The following ABCA1 variants were observed in gnomAD, a reference collection of about 807,000 sequenced individuals.
ABCA1 encodes the protein phospholipid-transporting ATPase ABCA1.
In ABCA1, 133 loss-of-function variants were observed where a neutral mutation model predicts 262.5. The ratio of observed to expected loss-of-function variants is 0.51; its 90% CI spans 0.44 to 0.59. ABCA1 has a LOEUF of 0.59. ABCA1 is among the 20% of genes least tolerant of loss of function. The pLI, the probability that ABCA1 is intolerant of heterozygous loss-of-function variation, is 0.00. For synonymous variants in ABCA1, 1,022 were observed against 1,043.5 expected, an observed-to-expected ratio of 0.98 and a Z score of 0.40; for missense variants, 2,452 against 2,777.5, an observed-to-expected ratio of 0.88 and a Z score of 2.63.
chr9:104,837,034 G>A lies in ABCA1; in HGVS notation c.1257C>T (p.Leu419=), dbSNP rs1833877758. ...FHDLEGMWEE[L]SPKIWTFMEN... is the part of the protein sequence containing the mutation. ...CCATGAAGGTCCAGATCTTGGGGCTGAGTTCCTCCCACATGCCTTCCAGAT... is the reference window on the plus strand; with the variant it reads ...CCATGAAGGTCCAGATCTTGGGGCTAAGTTCCTCCCACATGCCTTCCAGAT... Residue 419 remains leucine, a synonymous_variant, in exon 11 of 50, where the codon CTC becomes CTT. Coordinates refer to ENST00000374736, the MANE Select transcript of ABCA1 (RefSeq NM_005502.4). 6 of 1,614,018 alleles carry A rather than the reference G, an allele frequency of 3.7e-6. No individual in the cohort carries two copies. The highest frequency in any genetic ancestry group is 3.3e-5 in the South Asian group (3 of 91,084).
intron 7 of ABCA1, among the ~76,000 whole-genome samples, chr9:104,852,652 G>T (rs1481858813): frequency 6.6e-6 from 1 of 152,080 alleles, no homozygotes; most frequent in Non-Finnish European, 1.5e-5. Flanking sequence ...TTTCCCATAA[G>T]AATGAGGTGA....
At chr9:104,837,646 G>A in intron 9 of ABCA1, 79 bp from the exon 10 acceptor site, 1 of 1,563,208 alleles carries the variant, frequency 6.4e-7, no homozygotes, top group Non-Finnish European at 8.7e-7. Flanking sequence ...TGGAGCCAGA[G>A]AGTTCTTAGT....
intron 3 of ABCA1, among the ~76,000 whole-genome samples, chr9:104,885,027 G>C (rs530149310): frequency 6.6e-6 from 1 of 152,308 alleles, no homozygotes; most frequent in African/African-American, 2.4e-5. Context: ...CCTGAGGTCA[G>C]GAGTTCAAGA....
chr9:104,793,375 A>G, intron 40 of ABCA1, 75 bp from the exon 41 acceptor site: 2 of 1,598,554 alleles, frequency 1.3e-6, no homozygotes, highest in Admixed American at 3.4e-5. Flanking sequence ...ATTTGGGCCT[A>G]TGTTCCTTAA....
intron 5 of ABCA1, among the ~76,000 whole-genome samples, chr9:104,862,693 C>CAGGG (rs1836704683): frequency 1.9e-4 from 2 of 10,760 alleles, no homozygotes; most frequent in African/African-American, 8.8e-4. Flanking sequence ...CCGGGCCGGG[C>CAGGG]CGGGCCGGCC....
chr9:104,867,350 G>A (rs948212906), intron 5 of ABCA1, among the ~76,000 whole-genome samples: 5 of 152,178 alleles, frequency 3.3e-5, no homozygotes, highest in Admixed American at 2.0e-4. Flanking sequence ...GTATAATGCC[G>A]GGCACTGAGT....
chr9:104,812,522 C>T, intron 28 of ABCA1, 52 bp downstream of exon 28: 6 of 1,612,084 alleles, frequency 3.7e-6, no homozygotes, highest in Non-Finnish European at 5.1e-6. Context: ...GGTCACAGAG[C>T]CTGCAGCCCA....
rs780611537 is a variant in ABCA1 at position 104,826,984 on chromosome 9, C to A, written c.2301G>T (p.Trp767Cys). The A allele has an allele frequency of 2.9e-5, 47 of 1,614,032 alleles. No individual in the cohort carries two copies. In the Admixed American group the frequency reaches 7.3e-4, roughly 25 times the overall value. Residue 767 changes from tryptophan to cysteine, a missense_variant, in exon 16 of 50, where the codon TGG becomes TGT. Coordinates refer to ENST00000374736, the MANE Select transcript of ABCA1 (RefSeq NM_005502.4). ...LYLPYVLCVA[W>C]QDYVGFTLKI... ...TGAGTGTGAAGCCCACGTAGTCCTG[C>A]CATGCCACACACAGGACGTAGGGCA...
Position 104,883,032 on chromosome 9 carries a change from T to C in ABCA1, c.421+7A>G. On this transcript the variant is annotated splice_region_variant and intron_variant, in intron 5 of 49. Coordinates refer to ENST00000374736, the MANE Select transcript of ABCA1 (RefSeq NM_005502.4). ...TATAAACGGATGCAGAGAAGGTTTT[T>C]ACTTACTTGAGCTGGATTTCTTGAT... The C allele has an allele frequency of 1.2e-6, 2 of 1,608,620 alleles. No homozygotes were observed. The highest frequency in any genetic ancestry group is 1.7e-6 in the Non-Finnish European group (2 of 1,174,936).
intron 2 of ABCA1, among the ~76,000 whole-genome samples, chr9:104,898,596 A>T (rs1840412717): frequency 7.2e-6 from 1 of 138,194 alleles, no homozygotes; most frequent in South Asian, 2.3e-4. Flanking sequence ...AAATAAATAA[A>T]TATTAAATTA....
chr9:104,872,432 T>C (rs1200703026), intron 5 of ABCA1, among the ~76,000 whole-genome samples: 2 of 152,240 alleles, frequency 1.3e-5, no homozygotes, highest in Non-Finnish European at 1.5e-5. Context: ...GGCAGCATAG[T>C]GTGGGGAGAA....
chr9:104,803,937 C>A (rs1002083371), intron 32 of ABCA1, among the ~76,000 whole-genome samples: 8 of 152,136 alleles, frequency 5.3e-5, no homozygotes, highest in African/African-American at 1.9e-4. Flanking sequence ...AATAATATTT[C>A]AATTGTGGAT....
At chr9:104,828,166 G>A (rs1236233713) in intron 15 of ABCA1, among the ~76,000 whole-genome samples, 1 of 152,144 alleles carries the variant, frequency 6.6e-6, no homozygotes, top group African/African-American at 2.4e-5. Context: ...GTCAGTAGAC[G>A]GCCTCAGGCA....
Position 104,827,246 on chromosome 9 carries a change from A to G in ABCA1, c.2116-77T>C, listed in dbSNP as rs111629516. 427 of 1,277,402 alleles carry G rather than the reference A, an allele frequency of 3.3e-4. 1 individual carries two copies. The African/African-American group carries it at 5.7e-3, about 17-fold the overall frequency. 79.1% of individuals were successfully genotyped at this position (1,277,402 alleles called of 1,614,324 possible). ...CACTTGTATGATCTACAGAAAAAAG[A>G]CAGGGTTTATTCCTACTCATGTTAG... On this transcript the variant is annotated intron_variant, in intron 15 of 49. Transcript: ENST00000374736.
Position 104,809,538 on chromosome 9 carries a change from G to T in ABCA1, c.4202C>A (p.Thr1401Asn), listed in dbSNP as rs372821558. 1.2e-6 allele frequency: 2 copies of T among 1,614,026 alleles called. No individual in the cohort carries two copies. The highest frequency in any genetic ancestry group is 2.7e-5 in the African/African-American group (2 of 74,908). Reference protein sequence around the residue: ...VSNDAPEDTGTLELLNALTKD... With the variant: ...VSNDAPEDTGNLELLNALTKD... ...GGTGAGGGCGTTTAAGAGTTCCAGG[G>T]TTCCCGTGTCCTCAGGAGCATCATT... The change falls in exon 30 of 50, where the codon ACC becomes AAC. Residue 1401 changes from threonine (T) to asparagine (N), a missense_variant. By Grantham distance (65) the Thr-to-Asn change is moderately conservative. Coordinates refer to ENST00000374736, the MANE Select transcript of ABCA1 (RefSeq NM_005502.4).
intron 5 of ABCA1, among the ~76,000 whole-genome samples, chr9:104,882,056 A>AAC (rs1838725508): frequency 6.9e-6 from 1 of 144,538 alleles, no homozygotes; most frequent in Non-Finnish European, 1.5e-5. Flanking sequence ...AAAAAAAAAA[A>AAC]ACTCAAATCT....
At chr9:104,800,398 C>T (rs1488245402) in intron 35 of ABCA1, 112 bp downstream of exon 35, 13 of 1,010,276 alleles carry the variant, frequency 1.3e-5, no homozygotes, top group African/African-American at 3.1e-5. Flanking sequence ...TAATAGTTTG[C>T]TCTTTTCTGT....
intron 1 of ABCA1, among the ~76,000 whole-genome samples, chr9:104,913,921 G>A (rs760907307): frequency 3.7e-4 from 56 of 151,768 alleles, no homozygotes; most frequent in Admixed American, 6.6e-4. Context: ...TCAGCCTCCC[G>A]AGTAGCTGGG....
chr9:104,807,857 C>CACAT (rs1830915203), intron 30 of ABCA1, among the ~76,000 whole-genome samples: 3 of 145,234 alleles, frequency 2.1e-5, no homozygotes, highest in African/African-American at 8.0e-5. Context: ...CACACACACA[C>CACAT]ACACACACAC....
Sources: allele counts gnomAD v4.1 joint callset (sites outside exome capture counted in the v4.1 genomes callset), GRCh38; gene constraint gnomAD v4.1.1; transcripts MANE v1.5; gene names NCBI Gene and HGNC (gene_info 2026-07-23, HGNC 2026-07-21).